DNAJC8: variants seen among roughly 807,000 people sequenced by gnomAD.
DNAJC8 encodes DnaJ heat shock protein family (Hsp40) member C8.
Under a neutral mutation model 43.2 loss-of-function variants are expected in DNAJC8, and 24 were observed. The observed-to-expected ratio is 0.56, with a 90% confidence interval of 0.40 to 0.78. The LOEUF (loss-of-function observed/expected upper bound fraction) is 0.78, where lower values mean the gene tolerates loss of function less well. DNAJC8 is among the 30% of genes least tolerant of loss of function. The probability of loss-of-function intolerance (pLI) is 0.00; values close to 1 mark genes in which losing one functional copy is unlikely to be tolerated. For synonymous variants in DNAJC8, 83 were observed against 98.0 expected (o/e 0.85, Z 0.90); for missense variants, 207 against 299.4 (o/e 0.69, Z 2.28).
chr1:28,205,484 G>C, intron 6 of DNAJC8, 135 bp from the exon 7 acceptor site: 1 of 617,228 alleles, frequency 1.6e-6, no homozygotes, highest in Non-Finnish European at 2.8e-6. Flanking sequence ...GCTCACATCT[G>C]TAATTCCAAC....
intron 2 of DNAJC8, among the ~76,000 whole-genome samples, chr1:28,224,953 T>C (rs975661933): frequency 2.7e-5 from 4 of 149,172 alleles, no homozygotes; most frequent in Non-Finnish European, 6.0e-5. Flanking sequence ...TTTGAAAATC[T>C]GAGGTAGGAG....
In DNAJC8 at chr1:28,232,986, C is replaced by A. The variant is rs1411170218; in HGVS notation, c.13G>T (p.Gly5Ter). Residue 5 changes from glycine (G) to a stop codon, truncating the protein, a stop_gained, in exon 1 of 9, where the codon GGA becomes TGA. Coordinates refer to ENST00000263697, the MANE Select transcript of DNAJC8 (RefSeq NM_014280.3). LOFTEE classifies it high-confidence loss of function. Reference sequence around the variant, plus strand: ...CCGCCGCCTGAAGTCCCGCTCTCTCCTGAAGCCGCCATTTCCCCGGCCCAG... The same window carrying A: ...CCGCCGCCTGAAGTCCCGCTCTCTCATGAAGCCGCCATTTCCCCGGCCCAG... MAAS[G>*]ESGTSGGGGS... 1 of 1,612,528 alleles carries A rather than the reference C, an allele frequency of 6.2e-7. No individual in the cohort carries two copies.
At chr1:28,216,334 G>A (rs1416854549) in intron 2 of DNAJC8, among the ~76,000 whole-genome samples, 1 of 152,092 alleles carries the variant, frequency 6.6e-6, no homozygotes, top group Admixed American at 6.6e-5. Context: ...TACAGACGAG[G>A]GACTGTAACT....
chr1:28,206,677 C>T (rs1379879522), intron 6 of DNAJC8, among the ~76,000 whole-genome samples: 2 of 152,134 alleles, frequency 1.3e-5, no homozygotes, highest in African/African-American at 4.8e-5. Context: ...TGTTATTCTA[C>T]CTTTAAATAT....
chr1:28,210,184 C>T, intron 4 of DNAJC8, 118 bp from the exon 5 acceptor site: 1 of 854,198 alleles, frequency 1.2e-6, no homozygotes, highest in South Asian at 1.6e-5. Flanking sequence ...TAATTATTTA[C>T]TGTCGTTAAA....
At chr1:28,208,212 TAATAAATA>T (rs541008689) in intron 6 of DNAJC8, 122 bp downstream of exon 6, 3 of 641,066 alleles carry the variant, frequency 4.7e-6, no homozygotes, top group African/African-American at 1.9e-5. Flanking sequence ...GTCTCAAAAA[TAATAAATA>T]AATAAATAAA....
chr1:28,203,199 A>G (rs1646748533), intron 8 of DNAJC8, among the ~76,000 whole-genome samples: 1 of 152,124 alleles, frequency 6.6e-6, no homozygotes, highest in Non-Finnish European at 1.5e-5. Context: ...CCAGCCCCTA[A>G]CCATGAGTCC....
chr1:28,231,482 C>T (rs556131022), intron 1 of DNAJC8, among the ~76,000 whole-genome samples: 4 of 151,286 alleles, frequency 2.6e-5, no homozygotes, highest in East Asian at 3.9e-4. Context: ...TTTGGGAGGC[C>T]GAGGCGGGAG....
intron 2 of DNAJC8, among the ~76,000 whole-genome samples, chr1:28,216,934 G>A (rs1254890315): frequency 4.7e-5 from 7 of 150,532 alleles, no homozygotes; most frequent in Non-Finnish European, 8.9e-5. Context: ...TCAGACTCTC[G>A]AGTAGCTGGG....
intron 1 of DNAJC8, among the ~76,000 whole-genome samples, chr1:28,232,643 CGGACTTG>C (rs147250225): frequency 0.014 from 2,117 of 152,312 alleles, 23 homozygotes; most frequent in Non-Finnish European, 0.022. Context: ...CCCGACTCCG[CGGACTTG>C]GGGCACTCTG....
intron 2 of DNAJC8, among the ~76,000 whole-genome samples, chr1:28,227,542 T>C (rs1195490863): frequency 7.0e-6 from 1 of 142,406 alleles, no homozygotes; most frequent in African/African-American, 2.6e-5. Flanking sequence ...CAGTAAGCCA[T>C]GATTGCACCA....
At chr1:28,212,272 CTT>C (rs528978849) in intron 3 of DNAJC8, among the ~76,000 whole-genome samples, 3 of 90,952 alleles carry the variant, frequency 3.3e-5, no homozygotes, top group African/African-American at 8.1e-5. Context: ...TTGTTCTATT[CTT>C]TTTTTTTTTT....
rs766121369 is a variant in DNAJC8 at position 28,205,271 on chromosome 1, C to G, written c.550G>C (p.Glu184Gln). The change falls in exon 7 of 9, where the codon GAG becomes CAG. Residue 184 changes from glutamate to glutamine, a missense_variant. Physicochemically the swap from Glu to Gln is conservative, Grantham distance 29 (BLOSUM62 2). This residue lies in a region of DNAJC8 where 159 missense variants were observed against 267.5 expected (regional missense o/e 0.59). Transcript: ENST00000263697. ...ACTGATATGTACCTTTCATGCATCTCTTTGGCTTCTCTCTCTTTCCTTTTA... is the reference window on the plus strand; with the variant it reads ...ACTGATATGTACCTTTCATGCATCTGTTTGGCTTCTCTCTCTTTCCTTTTA... The part of the protein sequence containing the change: ...EIKRKEREAK[E>Q]MHERKRQREE... The G allele has an allele frequency of 6.2e-7, 1 of 1,612,108 alleles. No homozygotes were observed. Among genetic ancestry groups the G allele is most frequent in the South Asian group, 1.1e-5 (1 of 90,994 alleles).
intron 2 of DNAJC8, among the ~76,000 whole-genome samples, chr1:28,215,399 A>G (rs1646844183): frequency 6.6e-6 from 1 of 152,160 alleles, no homozygotes; most frequent in Non-Finnish European, 1.5e-5. Context: ...ACACTTTATA[A>G]TTTACAAGGC....
intron 3 of DNAJC8, among the ~76,000 whole-genome samples, chr1:28,212,170 T>TAAATAAATAA (rs1314233756): frequency 3.4e-3 from 81 of 23,712 alleles, no homozygotes; most frequent in Middle Eastern, 0.017. Context: ...AATAAATAAA[T>TAAATAAATAA]ATATATATAT....
chr1:28,218,373 G>A (rs1484452763), intron 2 of DNAJC8, among the ~76,000 whole-genome samples: 2 of 151,766 alleles, frequency 1.3e-5, no homozygotes, highest in African/African-American at 4.9e-5. Flanking sequence ...GGGATTACAG[G>A]CGTGAGCCAC....
intron 7 of DNAJC8, among the ~76,000 whole-genome samples, chr1:28,204,500 G>A (rs1361848375): frequency 7.9e-5 from 12 of 152,140 alleles, no homozygotes; most frequent in Admixed American, 7.2e-4. Context: ...TCATGCCATT[G>A]CACTCCAGCC....
At chr1:28,202,470 G>C (rs555942764) in intron 8 of DNAJC8, among the ~76,000 whole-genome samples, 11 of 149,276 alleles carry the variant, frequency 7.4e-5, no homozygotes, top group Non-Finnish European at 1.6e-4. Context: ...TAGTAGAGAC[G>C]GGGTTTCACC....
intron 1 of DNAJC8, 74 bp downstream of exon 1, chr1:28,232,847 A>G (rs1646990164): frequency 1.3e-6 from 2 of 1,528,428 alleles, no homozygotes; most frequent in Non-Finnish European, 9.0e-7. Context: ...CCAGGCGGCC[A>G]CTGCCTTTGT....
Sources: allele counts gnomAD v4.1 joint callset (sites outside exome capture counted in the v4.1 genomes callset), GRCh38; gene constraint gnomAD v4.1.1; regional missense constraint gnomAD v4.1.1; transcripts MANE v1.5; gene names NCBI Gene and HGNC (gene_info 2026-07-23, HGNC 2026-07-21).